CTNNA3: variants seen among roughly 807,000 people sequenced by gnomAD.
CTNNA3 encodes the protein catenin alpha 3.
In CTNNA3, 76 loss-of-function variants were observed where a neutral mutation model predicts 95.7. That is an observed-to-expected ratio of 0.79 (90% confidence interval 0.66 to 0.96). The LOEUF (loss-of-function observed/expected upper bound fraction) is 0.96. Among genes scored for constraint, CTNNA3 ranks in the 40% least tolerant of loss-of-function variants. The probability of loss-of-function intolerance (pLI) is 0.00; values close to 1 mark genes in which losing one functional copy is unlikely to be tolerated. For synonymous variants in CTNNA3, 431 were observed against 374.4 expected, an observed-to-expected ratio of 1.15 and a Z score of -1.74; for missense variants, 1,191 against 1,089.8, an observed-to-expected ratio of 1.09 and a Z score of -1.31.
At chr10:66,865,213 C>CGCGT (rs1564732374) in intron 7 of CTNNA3, among the ~76,000 whole-genome samples, 36 of 143,928 alleles carry the variant, frequency 2.5e-4, no homozygotes, top group African/African-American at 9.2e-4. Context: ...TGTGTGTGTG[C>CGCGT]GTGTGTGTGT....
At chr10:66,304,443 A>G (rs1248000743) in intron 12 of CTNNA3, among the ~76,000 whole-genome samples, 1 of 152,176 alleles carries the variant, frequency 6.6e-6, no homozygotes, top group Non-Finnish European at 1.5e-5. Context: ...TAAATTGTTC[A>G]TAGTAGCTTT....
intron 7 of CTNNA3, among the ~76,000 whole-genome samples, chr10:67,057,846 T>G (rs1270543938): frequency 6.6e-6 from 1 of 152,136 alleles, no homozygotes; most frequent in South Asian, 2.1e-4. Context: ...CCACCAAAGA[T>G]TGAAGCCAAA....
At chr10:66,199,801 ATATATTTTTT>A (rs1313503683) in intron 13 of CTNNA3, among the ~76,000 whole-genome samples, 1 of 13,190 alleles carries the variant, frequency 7.6e-5, no homozygotes, top group African/African-American at 3.5e-4. Flanking sequence ...ATATATATAT[ATATATTTTTT>A]TTTTTTTTTT....
At chr10:66,070,532 A>G (rs1041961992) in intron 14 of CTNNA3, among the ~76,000 whole-genome samples, 1 of 152,146 alleles carries the variant, frequency 6.6e-6, no homozygotes, top group African/African-American at 2.4e-5. Flanking sequence ...GAGGTCATAA[A>G]TCTGTGATTC....
chr10:66,619,004 C>A (rs1390108894), intron 10 of CTNNA3, among the ~76,000 whole-genome samples: 2 of 152,126 alleles, frequency 1.3e-5, no homozygotes, highest in South Asian at 2.1e-4. Flanking sequence ...ATAAAAACCA[C>A]AATGAGATAC....
At chr10:66,487,243 C>T (rs1839768270) in intron 11 of CTNNA3, among the ~76,000 whole-genome samples, 1 of 118,978 alleles carries the variant, frequency 8.4e-6, no homozygotes, top group Admixed American at 1.1e-4. Context: ...ACTCTTTCGC[C>T]CAGGCTGGAG....
At position 66,379,326 on chromosome 10, in the gene CTNNA3, T is replaced by G. The variant is rs144269113; in HGVS notation, c.1558A>C (p.Lys520Gln). The G allele has an allele frequency of 4.3e-6, 7 of 1,614,012 alleles. No individual in the cohort carries two copies. In the African/African-American group the frequency reaches 5.3e-5, roughly 12 times the overall value. ...SESHILEDVN[K>Q]CIIALRDQDA... Reference sequence around the variant, plus strand: ...TGGTCTCTTAAGGCTATGATACACTTGTTGACATCTTCCAAGATATGGCTT... The same window carrying G: ...TGGTCTCTTAAGGCTATGATACACTGGTTGACATCTTCCAAGATATGGCTT... Residue 520 changes from lysine (K) to glutamine (Q), a missense_variant, in exon 12 of 18, where the codon AAG (lysine) becomes CAG (glutamine). Physicochemically the swap from Lys to Gln is moderately conservative, Grantham distance 53. Coordinates refer to ENST00000433211, the MANE Select transcript of CTNNA3 (RefSeq NM_013266.4).
chr10:66,651,351 CA>C (rs948090658), intron 9 of CTNNA3, among the ~76,000 whole-genome samples: 10 of 152,300 alleles, frequency 6.6e-5, no homozygotes, highest in African/African-American at 2.4e-4. Flanking sequence ...TCCAGCTAGA[CA>C]AAAAAGTTCT....
At chr10:67,050,279 A>G (rs1403048236) in intron 7 of CTNNA3, among the ~76,000 whole-genome samples, 1 of 152,206 alleles carries the variant, frequency 6.6e-6, no homozygotes, top group Non-Finnish European at 1.5e-5. Context: ...CAAATATCAA[A>G]CAATTTACAT....
chr10:67,595,054 C>A (rs1489297034), intron 3 of CTNNA3, among the ~76,000 whole-genome samples: 3 of 152,186 alleles, frequency 2.0e-5, no homozygotes, highest in African/African-American at 7.2e-5. Context: ...CTGTGAATGT[C>A]ATTAATTTGT....
At chr10:66,950,765 C>A (rs1848497840) in intron 7 of CTNNA3, among the ~76,000 whole-genome samples, 1 of 151,998 alleles carries the variant, frequency 6.6e-6, no homozygotes, top group African/African-American at 2.4e-5. Flanking sequence ...TTAATCCTTA[C>A]AAAAACAAAA....
intron 10 of CTNNA3, among the ~76,000 whole-genome samples, chr10:66,585,994 T>A (rs945157824): frequency 6.6e-5 from 10 of 152,262 alleles, no homozygotes; most frequent in African/African-American, 2.4e-4. Flanking sequence ...TTACACTTAG[T>A]TTCAGCTCTG....
intron 16 of CTNNA3, among the ~76,000 whole-genome samples, chr10:65,982,828 G>A (rs1450603223): frequency 1.3e-5 from 2 of 150,680 alleles, no homozygotes; most frequent in Non-Finnish European, 3.0e-5. Flanking sequence ...TTTAAAATAC[G>A]CATATTGTCA....
chr10:66,189,617 T>TATATATATATATATATATATATACAC (rs151078010), intron 13 of CTNNA3, among the ~76,000 whole-genome samples: 1 of 140,362 alleles, frequency 7.1e-6, no homozygotes, highest in African/African-American at 2.8e-5. Flanking sequence ...TATATATATA[T>TATATATATATATATATATATATACAC]ACACACATAC....
chr10:67,699,153 T>C (rs1475566795), upstream of CTNNA3, among the ~76,000 whole-genome samples: 1 of 152,164 alleles, frequency 6.6e-6, no homozygotes, highest in Non-Finnish European at 1.5e-5. Context: ...ATTATCACCC[T>C]TTCTCCAATG....
At chr10:66,379,829 C>T (rs2092823312) in intron 11 of CTNNA3, among the ~76,000 whole-genome samples, 1 of 152,146 alleles carries the variant, frequency 6.6e-6, no homozygotes, top group Non-Finnish European at 1.5e-5. Flanking sequence ...CTCCTGACCT[C>T]ATCCTCTCCA....
At chr10:67,257,227 G>A (rs957506407) in intron 5 of CTNNA3, among the ~76,000 whole-genome samples, 11 of 152,174 alleles carry the variant, frequency 7.2e-5, no homozygotes, top group Admixed American at 2.6e-4. Context: ...CTATAATTCC[G>A]AGCCTGTTGT....
chr10:66,157,508 T>C (rs1264475196), intron 13 of CTNNA3, among the ~76,000 whole-genome samples: 2 of 84,346 alleles, frequency 2.4e-5, no homozygotes, highest in African/African-American at 7.8e-5. Flanking sequence ...GATAGATAGA[T>C]AGATAGATAG....
chr10:67,239,848 G>A (rs996421342), intron 5 of CTNNA3, among the ~76,000 whole-genome samples: 1 of 151,962 alleles, frequency 6.6e-6, no homozygotes, highest in Non-Finnish European at 1.5e-5. Flanking sequence ...TATCCACTTT[G>A]AGGGCTCATA....
Sources: allele counts gnomAD v4.1 joint callset (sites outside exome capture counted in the v4.1 genomes callset), GRCh38; gene constraint gnomAD v4.1.1; transcripts MANE v1.5; gene names NCBI Gene and HGNC (gene_info 2026-07-23, HGNC 2026-07-21).